Variants in WDPCP observed in about 807,000 individuals in gnomAD.
The protein encoded by WDPCP is WD repeat-containing and planar cell polarity effector protein fritz homolog.
WDPCP carries 71 observed loss-of-function variants against 93.1 expected under a neutral mutation model. That is an observed-to-expected ratio of 0.76 (90% CI 0.63 to 0.93). The LOEUF (loss-of-function observed/expected upper bound fraction) is 0.93, where lower values mean the gene tolerates loss of function less well. WDPCP is among the 40% of genes least tolerant of loss of function. WDPCP has a pLI of 0.00. For missense variants in WDPCP, 844 were observed against 887.4 expected (o/e 0.95, Z 0.62); for synonymous variants, 315 against 315.0 (o/e 1.00, Z 0.00).
At chr2:63,548,560 G>A (rs1388532394) in intron 1 of WDPCP, among the ~76,000 whole-genome samples, 1 of 152,082 alleles carries the variant, frequency 6.6e-6, no homozygotes, top group African/African-American at 2.4e-5. Flanking sequence ...TAAAGAATAT[G>A]TACTCTTCTA....
intron 3 of WDPCP, among the ~76,000 whole-genome samples, chr2:63,621,429 T>G (rs1234668207): frequency 6.6e-6 from 1 of 151,696 alleles, no homozygotes; most frequent in Non-Finnish European, 1.5e-5. Flanking sequence ...ATATCAGAGA[T>G]TGAAGATCAA....
intron 2 of WDPCP, among the ~76,000 whole-genome samples, chr2:63,793,330 G>T (rs531897530): frequency 6.6e-6 from 1 of 152,242 alleles, no homozygotes; most frequent in South Asian, 2.1e-4. Context: ...AAATGAGGCT[G>T]GGCATGGTGG....
At chr2:63,631,782 G>C (rs1558871134) in intron 3 of WDPCP, among the ~76,000 whole-genome samples, 1 of 152,200 alleles carries the variant, frequency 6.6e-6, no homozygotes, top group Non-Finnish European at 1.5e-5. Flanking sequence ...GTAACCCCAA[G>C]TGGCCTGCTC....
At chr2:63,337,881 A>G (rs1006891549) in intron 12 of WDPCP, among the ~76,000 whole-genome samples, 1 of 152,096 alleles carries the variant, frequency 6.6e-6, no homozygotes, top group Non-Finnish European at 1.5e-5. Context: ...TGAGCTCCTT[A>G]TATATTCTGA....
At chr2:63,720,215 G>A (rs767438777) in intron 2 of WDPCP, among the ~76,000 whole-genome samples, 40 of 151,834 alleles carry the variant, frequency 2.6e-4, no homozygotes, top group Non-Finnish European at 5.0e-4. Context: ...TCAGAAGTTC[G>A]AGACCAGCCT....
At position 63,588,204 on chromosome 2, in the gene WDPCP, G is replaced by T. The variant is rs141340867; in HGVS notation, c.68C>A (p.Pro23Gln). The T allele has an allele frequency of 7.3e-4, 1,139 of 1,568,786 alleles. 6 individuals are homozygous for T. The African/African-American group carries it at 0.014, about 19-fold the overall frequency. Residue 23 changes from proline (P) to glutamine (Q), a missense_variant, in exon 1 of 18, where the codon CCG becomes CAG. Coordinates refer to ENST00000272321, the MANE Select transcript of WDPCP (RefSeq NM_015910.7). Reference sequence around the variant, plus strand: ...CCTCGGGCCAGGGCTCACCTGTCTCGGGAGTGGGGAAGAAGCGCGACTCCC... The same window carrying T: ...CCTCGGGCCAGGGCTCACCTGTCTCTGGAGTGGGGAAGAAGCGCGACTCCC... Reference protein sequence around the residue: ...AAGSRASSPLPRQDRDSFCHQ... With the variant: ...AAGSRASSPLQRQDRDSFCHQ...
chr2:63,713,507 G>C (rs1164175790), intron 2 of WDPCP, among the ~76,000 whole-genome samples: 1 of 152,170 alleles, frequency 6.6e-6, no homozygotes, highest in African/African-American at 2.4e-5. Context: ...CATAAGGCAT[G>C]AATTTTTAAA....
intron 13 of WDPCP, among the ~76,000 whole-genome samples, chr2:63,267,255 T>C (rs1262107112): frequency 3.9e-5 from 6 of 152,220 alleles, no homozygotes. Flanking sequence ...CTTTCCAATT[T>C]ATTTAATAAA....
At chr2:63,809,788 G>A (rs957752534) in intron 2 of WDPCP, among the ~76,000 whole-genome samples, 3 of 152,028 alleles carry the variant, frequency 2.0e-5, no homozygotes, top group East Asian at 3.9e-4. Context: ...AGGCCGCAGG[G>A]TCCTCTGCCT....
chr2:63,786,201 G>A (rs748761575), intron 2 of WDPCP, among the ~76,000 whole-genome samples: 42 of 152,034 alleles, frequency 2.8e-4, no homozygotes, highest in Non-Finnish European at 5.4e-4. Context: ...TTGTAGAGAC[G>A]AGGTCTCACT....
chr2:63,470,780 T>C (rs1699644184), intron 6 of WDPCP, among the ~76,000 whole-genome samples: 1 of 152,158 alleles, frequency 6.6e-6, no homozygotes, highest in Non-Finnish European at 1.5e-5. Context: ...TAGTGTCACA[T>C]TTCCTTTCTG....
chr2:63,197,229 T>C (rs1675508667), intron 14 of WDPCP, among the ~76,000 whole-genome samples: 1 of 152,180 alleles, frequency 6.6e-6, no homozygotes, highest in Non-Finnish European at 1.5e-5. Flanking sequence ...TTTCATTTAA[T>C]GGTAAATGTA....
chr2:63,431,413 T>C (rs1460621335), intron 9 of WDPCP, among the ~76,000 whole-genome samples: 1 of 152,208 alleles, frequency 6.6e-6, no homozygotes, highest in African/African-American at 2.4e-5. Flanking sequence ...GTAAATGCTT[T>C]TTAAAAATTC....
At chr2:63,129,710 T>TGTC (rs1436188551) in intron 17 of WDPCP, among the ~76,000 whole-genome samples, 4 of 152,220 alleles carry the variant, frequency 2.6e-5, no homozygotes, top group Non-Finnish European at 5.9e-5. Context: ...CAAATACAGT[T>TGTC]GTCGCTCAGT....
intron 1 of WDPCP, among the ~76,000 whole-genome samples, chr2:63,569,663 G>C (rs569570204): frequency 4.6e-5 from 7 of 152,154 alleles, no homozygotes; most frequent in Non-Finnish European, 1.0e-4. Flanking sequence ...GCTAACTCAC[G>C]TGGGCAAGGG....
intron 14 of WDPCP, among the ~76,000 whole-genome samples, chr2:63,224,591 A>G (rs959617865): frequency 6.6e-5 from 10 of 152,070 alleles, no homozygotes; most frequent in African/African-American, 2.2e-4. Context: ...TGAAAAAAAC[A>G]TGAAGAAACC....
intron 3 of WDPCP, among the ~76,000 whole-genome samples, chr2:63,639,575 C>A (rs1709959127): frequency 6.6e-6 from 1 of 152,146 alleles, no homozygotes; most frequent in South Asian, 2.1e-4. Context: ...CCATGGTAAC[C>A]CACTAATCCA....
intron 6 of WDPCP, among the ~76,000 whole-genome samples, chr2:63,465,719 C>T (rs1699303060): frequency 6.6e-6 from 1 of 152,194 alleles, no homozygotes; most frequent in Admixed American, 6.5e-5. Context: ...CACCACAAAA[C>T]TTGTCAAATT....
intron 6 of WDPCP, chr2:63,442,962 A>G (rs1031290677): frequency 6.6e-6 from 1 of 152,158 alleles, no homozygotes; most frequent in African/African-American, 2.4e-5. Context: ...TCATGGAGCC[A>G]AAAGCATGCA....
Sources: allele counts gnomAD v4.1 joint callset (sites outside exome capture counted in the v4.1 genomes callset), GRCh38; gene constraint gnomAD v4.1.1; transcripts MANE v1.5; gene names NCBI Gene and HGNC (gene_info 2026-07-23, HGNC 2026-07-21).